The following LGR4 variants were observed in gnomAD, a reference collection of about 807,000 sequenced individuals.
LGR4 encodes leucine-rich repeat-containing G protein-coupled receptor 4.
Under a neutral mutation model 84.8 loss-of-function variants are expected in LGR4, and 44 were observed. That is an observed-to-expected ratio of 0.52 (90% CI 0.41 to 0.67). LGR4 has a LOEUF of 0.67. LGR4 is among the 30% of genes least tolerant of loss of function. LGR4 has a pLI of 0.00. For missense variants in LGR4, 1,032 were observed against 1,131.4 expected, an observed-to-expected ratio of 0.91 and a Z score of 1.26; for synonymous variants, 429 against 434.3, an observed-to-expected ratio of 0.99 and a Z score of 0.15.
chr11:27,412,449 G>GT (rs1378006582), intron 2 of LGR4, among the ~76,000 whole-genome samples: 1 of 152,020 alleles, frequency 6.6e-6, no homozygotes, highest in African/African-American at 2.4e-5. Flanking sequence ...CAACTCCTTG[G>GT]TAACAATGGT....
At chr11:27,440,170 T>TACTG (rs1167521130) in intron 1 of LGR4, among the ~76,000 whole-genome samples, 1 of 152,130 alleles carries the variant, frequency 6.6e-6, no homozygotes, top group Non-Finnish European at 1.5e-5. Context: ...CCTCCTAAAG[T>TACTG]ACTGGGATTA....
chr11:27,378,535 T>A (rs980895902), intron 11 of LGR4, among the ~76,000 whole-genome samples, 162 bp downstream of exon 11: 1 of 152,194 alleles, frequency 6.6e-6, no homozygotes, highest in African/African-American at 2.4e-5. Context: ...AAATGCACAT[T>A]ACCCACCCTG....
chr11:27,471,377 T>G lies in LGR4; in HGVS notation c.185+741A>C, dbSNP rs1864868935. Reference sequence around the variant, plus strand: ...TCCGGAACTTGCTTCTCTTCCAACATCCTGCACCTCAGGTCAGCATTCCTT... The same window carrying G: ...TCCGGAACTTGCTTCTCTTCCAACAGCCTGCACCTCAGGTCAGCATTCCTT... On this transcript the variant is annotated intron_variant, in intron 1 of 17. Coordinates refer to ENST00000379214, the MANE Select transcript of LGR4 (RefSeq NM_018490.5). 3.3e-5 allele frequency among the ~76,000 whole-genome samples: 5 copies of G among 152,196 alleles called. No individual in the cohort carries two copies. The South Asian group carries it at 1.0e-3, about 32-fold the overall frequency.
chr11:27,429,276 G>A (rs562644990), intron 1 of LGR4, among the ~76,000 whole-genome samples: 20 of 152,264 alleles, frequency 1.3e-4, no homozygotes, highest in Middle Eastern at 3.4e-3. Context: ...CTTGAGGTCA[G>A]GAGTTCAAGA....
intron 4 of LGR4, among the ~76,000 whole-genome samples, chr11:27,387,594 A>G (rs535837535): frequency 4.8e-4 from 73 of 152,264 alleles, no homozygotes; most frequent in African/African-American, 1.7e-3. Context: ...CAGAAGGTTA[A>G]GAGTGATTAA....
chr11:27,472,081 CCT>C, intron 1 of LGR4, 35 bp downstream of exon 1: 1 of 676,602 alleles, frequency 1.5e-6, no homozygotes, highest in Non-Finnish European at 1.9e-6. Context: ...GGCCCCGTTT[CCT>C]CCCCCCCCCT....
chr11:27,382,442 GA>G (rs144471946), intron 6 of LGR4, among the ~76,000 whole-genome samples, 186 bp from the exon 7 acceptor site: 2,150 of 152,092 alleles, frequency 0.014, 53 homozygotes, highest in African/African-American at 0.049. Flanking sequence ...TTACAATAAT[GA>G]ATAGAGAGAA....
Position 27,472,589 on chromosome 11 carries a change from T to C in LGR4, c.-287A>G. 2.7e-6 allele frequency: 1 copy of C among 373,854 alleles called. No homozygotes were observed. Among genetic ancestry groups the C allele is most frequent in the East Asian group, 3.9e-5 (1 of 25,818 alleles). 23.2% of individuals were successfully genotyped at this position (373,854 alleles called of 1,614,324 possible). A position where few individuals can be genotyped will look rare whatever the true frequency, so the allele number is the denominator to read the frequency against. ...CCCGGCGCAGCGGCGGGGGCCGCGC[T>C]CTGCCATCGCACCGGTCTCCCTGTC... is the stretch of plus-strand genomic sequence containing the variant. On this transcript the variant is annotated 5_prime_UTR_variant, in exon 1 of 18. Transcript: ENST00000379214.
At chr11:27,470,671 G>A (rs1864853548) in intron 1 of LGR4, among the ~76,000 whole-genome samples, 1 of 143,370 alleles carries the variant, frequency 7.0e-6, no homozygotes, top group African/African-American at 2.6e-5. Flanking sequence ...TCACTGCAAA[G>A]TTAACTTTTT....
chr11:27,404,203 C>A (rs1478726342), intron 2 of LGR4, among the ~76,000 whole-genome samples: 1 of 152,144 alleles, frequency 6.6e-6, no homozygotes, highest in Non-Finnish European at 1.5e-5. Flanking sequence ...GTTTCATTTG[C>A]CTCGCTACAC....
chr11:27,373,884 G>GA, intron 14 of LGR4, 91 bp downstream of exon 14: 1 of 1,120,228 alleles, frequency 8.9e-7, no homozygotes, highest in Non-Finnish European at 1.3e-6. Flanking sequence ...TAACTAAACA[G>GA]AAAAATATTT....
chr11:27,390,415 G>A (rs74785871), intron 4 of LGR4, among the ~76,000 whole-genome samples: 7,143 of 152,116 alleles, frequency 0.047, 254 homozygotes, highest in Middle Eastern at 0.065. Flanking sequence ...TTTAAAATTA[G>A]ACTTCTGAAT....
intron 1 of LGR4, among the ~76,000 whole-genome samples, chr11:27,433,374 G>A (rs2133423367): frequency 6.8e-6 from 1 of 148,134 alleles, no homozygotes; most frequent in Admixed American, 6.8e-5. Context: ...CACCATGCAC[G>A]CCCGGCTAAT....
intron 2 of LGR4, among the ~76,000 whole-genome samples, chr11:27,392,880 AAG>A (rs772459943): frequency 6.6e-6 from 1 of 152,186 alleles, no homozygotes; most frequent in Non-Finnish European, 1.5e-5. Context: ...GTCAGCAGGC[AAG>A]AGTGTTTATA....
In LGR4 at chr11:27,378,680, A is replaced by G; in HGVS notation, c.1043+17T>C. The G allele has an allele frequency of 6.5e-7, 1 of 1,540,952 alleles. No individual in the cohort carries two copies. Among genetic ancestry groups the G allele is most frequent in the Non-Finnish European group, 9.0e-7 (1 of 1,115,816 alleles). On this transcript the variant is annotated intron_variant, in intron 11 of 17. Transcript: ENST00000379214. ...AAACAAAAGGTATGAGGGGAAGGGA[A>G]GAAGAATCCAACTTACAAAGTCCTA...
chr11:27,449,195 G>A (rs1425104412), intron 1 of LGR4, among the ~76,000 whole-genome samples: 2 of 152,232 alleles, frequency 1.3e-5, no homozygotes, highest in East Asian at 3.9e-4. Flanking sequence ...AGTATAATGA[G>A]TGAATCCTCA....
chr11:27,415,310 A>G (rs1330375922), intron 1 of LGR4, among the ~76,000 whole-genome samples: 1 of 152,162 alleles, frequency 6.6e-6, no homozygotes, highest in Admixed American at 6.6e-5. Flanking sequence ...CAGGTGAGTT[A>G]TCACTGTAAC....
rs183884056 is a variant in LGR4, at chr11:27,370,726, C to G, written c.1579+889G>C. The stretch of plus-strand genomic sequence containing the variant: ...GCTGCATGTTGAAGTCCAGCCCCCC[C>G]TTTAATAAACCTGTTCCCTTCTCAT... On this transcript the variant is annotated intron_variant, in intron 17 of 17. Coordinates refer to ENST00000379214, the MANE Select transcript of LGR4 (RefSeq NM_018490.5). Among the ~76,000 whole-genome samples, 701 of 152,300 alleles carry G rather than the reference C, an allele frequency of 4.6e-3. 4 individuals carry two copies. Among genetic ancestry groups the G allele is most frequent in the Non-Finnish European group, 8.3e-3 (568 of 68,040 alleles).
intron 2 of LGR4, among the ~76,000 whole-genome samples, chr11:27,406,867 A>G (rs1863620240): frequency 6.6e-6 from 1 of 152,198 alleles, no homozygotes; most frequent in African/African-American, 2.4e-5. Context: ...AGCTTATCTG[A>G]GAAAGCTGCA....
Sources: gnomAD v4.1 joint callset for allele counts (sites outside exome capture counted in the v4.1 genomes callset) on GRCh38, gnomAD v4.1.1 for gene constraint, MANE v1.5 for transcripts, NCBI Gene and HGNC (gene_info 2026-07-23, HGNC 2026-07-21) for gene names.